The following CDYL2 variants were observed in gnomAD, a reference collection of about 807,000 sequenced individuals.
CDYL2 encodes chromodomain Y like 2.
CDYL2 carries 23 observed loss-of-function variants against 49.4 expected under a neutral mutation model. The ratio of observed to expected loss-of-function variants is 0.47; its 90% CI spans 0.34 to 0.66. The LOEUF (loss-of-function observed/expected upper bound fraction) is 0.66, where lower values mean the gene tolerates loss of function less well. Ranked by LOEUF, CDYL2 falls within the 30% of genes least tolerant of loss-of-function variation. CDYL2 has a pLI of 0.01. For missense variants in CDYL2, 678 were observed against 656.4 expected (o/e 1.03, Z -0.36); for synonymous variants, 360 against 268.8 (o/e 1.34, Z -3.32).
intron 1 of CDYL2, among the ~76,000 whole-genome samples, chr16:80,727,933 C>T (rs1407534276): frequency 6.6e-6 from 1 of 152,086 alleles, no homozygotes; most frequent in Non-Finnish European, 1.5e-5. Context: ...GACATGCATA[C>T]CAAAAACCCA....
intron 1 of CDYL2, among the ~76,000 whole-genome samples, chr16:80,699,485 T>A (rs578051422): frequency 3.3e-4 from 50 of 151,926 alleles, no homozygotes; most frequent in Admixed American, 9.8e-4. Flanking sequence ...AAGTAGAGAG[T>A]AGAACAGTAG....
chr16:80,674,106 A>G (rs555248693), intron 2 of CDYL2, among the ~76,000 whole-genome samples: 1 of 152,258 alleles, frequency 6.6e-6, no homozygotes, highest in East Asian at 1.9e-4. Flanking sequence ...GTTGGGAGGA[A>G]TTTGTTACAG....
At chr16:80,689,946 C>A (rs1910346387) in intron 1 of CDYL2, among the ~76,000 whole-genome samples, 1 of 151,936 alleles carries the variant, frequency 6.6e-6, no homozygotes, top group Admixed American at 6.6e-5. Flanking sequence ...CATGGTGAAA[C>A]CCCATCTCTA....
intron 2 of CDYL2, among the ~76,000 whole-genome samples, chr16:80,639,907 G>A (rs1348613059): frequency 5.9e-5 from 9 of 152,152 alleles, no homozygotes; most frequent in Admixed American, 5.2e-4. Context: ...ACCCAATGAC[G>A]GAGCATTTAG....
At chr16:80,629,728 C>G (rs963277488) in intron 3 of CDYL2, among the ~76,000 whole-genome samples, 1 of 152,194 alleles carries the variant, frequency 6.6e-6, no homozygotes, top group Non-Finnish European at 1.5e-5. Context: ...GCCCATGAGG[C>G]CAATCCAACC....
chr16:80,709,775 G>C (rs895043097), intron 1 of CDYL2, among the ~76,000 whole-genome samples: 3 of 152,126 alleles, frequency 2.0e-5, no homozygotes, highest in Admixed American at 2.0e-4. Context: ...ATTTATTGTA[G>C]GAATTATAGA....
At chr16:80,737,116 T>A (rs1434295315) in intron 1 of CDYL2, among the ~76,000 whole-genome samples, 1 of 152,156 alleles carries the variant, frequency 6.6e-6, no homozygotes, top group Non-Finnish European at 1.5e-5. Flanking sequence ...GTAGGAAAAC[T>A]GAGGATCTTG....
chr16:80,755,738 C>A (rs567252306), intron 1 of CDYL2, among the ~76,000 whole-genome samples: 3 of 152,268 alleles, frequency 2.0e-5, no homozygotes, highest in African/African-American at 7.2e-5. Context: ...AAAAAGTAGA[C>A]CCTAACTTAA....
At position 80,602,972 on chromosome 16, in the gene CDYL2, C is replaced by G. The variant is rs1906161596; in HGVS notation, c.*1416G>C. On this transcript the variant is annotated 3_prime_UTR_variant, in exon 7 of 7. Transcript: ENST00000570137. ...CAATCCCTCCTTCTCTGTAGTTAAT[C>G]CAGGGACTTGAATCTGATGGTCTAA... 1.3e-5 allele frequency: 2 copies of G among 152,218 alleles called. No homozygotes were observed. Among genetic ancestry groups the G allele is most frequent in the African/African-American group, 4.8e-5 (2 of 41,450 alleles). 9.4% of individuals were successfully genotyped at this position (152,218 alleles called of 1,614,324 possible).
At chr16:80,785,626 T>C (rs570046348) in intron 1 of CDYL2, among the ~76,000 whole-genome samples, 1 of 152,168 alleles carries the variant, frequency 6.6e-6, no homozygotes, top group South Asian at 2.1e-4. Flanking sequence ...AAACTTCATA[T>C]AGAACCAAAA....
At chr16:80,744,349 G>A (rs1427888871) in intron 1 of CDYL2, among the ~76,000 whole-genome samples, 1 of 152,062 alleles carries the variant, frequency 6.6e-6, no homozygotes, top group African/African-American at 2.4e-5. Flanking sequence ...CACAGCTCTG[G>A]AAAGCAGAGA....
intron 1 of CDYL2, among the ~76,000 whole-genome samples, chr16:80,780,916 G>C (rs1421355932): frequency 3.3e-5 from 5 of 152,136 alleles, no homozygotes; most frequent in Non-Finnish European, 7.4e-5. Flanking sequence ...AATAAATCAA[G>C]AGGTATTTGT....
At position 80,633,220 on chromosome 16, in the gene CDYL2, G is replaced by A. The variant is rs776719928; in HGVS notation, c.633C>T (p.Asn211=). ...AENGLGSALT[N]GGLNLHSPVK... is the part of the protein sequence containing the mutation. ...CTGGACTGTGCAGGTTCAATCCCCC[G>A]TTGGTCAGAGCAGAGCCTTCCAAAA... is the stretch of plus-strand genomic sequence containing the variant. The change falls in exon 3 of 7, where the codon AAC becomes AAT. Residue 211 remains asparagine, a synonymous_variant. Coordinates refer to ENST00000570137, the MANE Select transcript of CDYL2 (RefSeq NM_152342.4). 20 of 1,614,086 alleles carry A rather than the reference G, an allele frequency of 1.2e-5. No individual in the cohort carries two copies. The East Asian group carries it at 1.3e-4, about 11-fold the overall frequency.
intron 1 of CDYL2, among the ~76,000 whole-genome samples, chr16:80,724,418 T>C (rs1193916882): frequency 6.6e-6 from 1 of 152,142 alleles, no homozygotes; most frequent in Non-Finnish European, 1.5e-5. Flanking sequence ...TTCTATGCCA[T>C]TAAGGTTCTC....
At chr16:80,615,975 G>C (rs991567493) in intron 4 of CDYL2, among the ~76,000 whole-genome samples, 1 of 152,186 alleles carries the variant, frequency 6.6e-6, no homozygotes, top group African/African-American at 2.4e-5. Context: ...TGCGATGGCG[G>C]GGCTGCGTGG....
At chr16:80,710,296 G>C (rs1030863009) in intron 1 of CDYL2, among the ~76,000 whole-genome samples, 5 of 152,122 alleles carry the variant, frequency 3.3e-5, no homozygotes, top group African/African-American at 1.2e-4. Context: ...TTCTTCCATG[G>C]CTTATTTAAT....
At chr16:80,706,990 G>C (rs1445506759) in intron 1 of CDYL2, among the ~76,000 whole-genome samples, 1 of 152,092 alleles carries the variant, frequency 6.6e-6, no homozygotes, top group Non-Finnish European at 1.5e-5. Flanking sequence ...CCCATGTTCT[G>C]GGAAGCCGTA....
intron 1 of CDYL2, among the ~76,000 whole-genome samples, chr16:80,733,381 T>C (rs368760434): frequency 6.6e-6 from 1 of 152,234 alleles, no homozygotes; most frequent in African/African-American, 2.4e-5. Flanking sequence ...AATAGTTTCA[T>C]CTTGCCATTT....
At chr16:80,672,527 GGA>G in intron 2 of CDYL2, among the ~76,000 whole-genome samples, 1 of 95,754 alleles carries the variant, frequency 1.0e-5, no homozygotes, top group Non-Finnish European at 2.2e-5. Flanking sequence ...GCAAAGCAAA[GGA>G]AAAGGAAAAG....
Sources: gnomAD v4.1 joint callset for allele counts (sites outside exome capture counted in the v4.1 genomes callset) on GRCh38, gnomAD v4.1.1 for gene constraint, MANE v1.5 for transcripts, NCBI Gene and HGNC (gene_info 2026-07-23, HGNC 2026-07-21) for gene names.